Variants in AGBL2 observed in about 807,000 individuals in gnomAD.
The protein encoded by AGBL2 is cytosolic carboxypeptidase 2.
AGBL2 carries 87 observed loss-of-function variants against 103.0 expected under a neutral mutation model. The observed-to-expected ratio is 0.84, with a 90% confidence interval of 0.71 to 1.01. The LOEUF (loss-of-function observed/expected upper bound fraction) is 1.01. Among genes scored for constraint, AGBL2 ranks in the 50% least tolerant of loss-of-function variants. The pLI is 0.00. For missense variants in AGBL2, 904 were observed against 1,023.5 expected, an observed-to-expected ratio of 0.88 and a Z score of 1.59; for synonymous variants, 335 against 356.7, an observed-to-expected ratio of 0.94 and a Z score of 0.69.
intron 2 of AGBL2, 102 bp downstream of exon 2, chr11:47,714,516 A>G: frequency 1.4e-6 from 2 of 1,396,728 alleles, no homozygotes; most frequent in Non-Finnish European, 2.0e-6. Context: ...AAAAGATGCC[A>G]CCAGAACATC....
chr11:47,698,336 C>A (rs2097484862), intron 8 of AGBL2, among the ~76,000 whole-genome samples: 1 of 151,394 alleles, frequency 6.6e-6, no homozygotes, highest in Admixed American at 6.6e-5. Context: ...CCACACCTGG[C>A]TAATTTTGTA....
intron 4 of AGBL2, among the ~76,000 whole-genome samples, chr11:47,706,242 C>T (rs780807628): frequency 1.3e-5 from 2 of 151,934 alleles, no homozygotes; most frequent in South Asian, 2.1e-4. Context: ...GCCGGCTGGG[C>T]GCGGTGGCTC....
intron 8 of AGBL2, among the ~76,000 whole-genome samples, chr11:47,698,168 ATTT>A (rs35161992): frequency 2.5e-5 from 2 of 79,836 alleles, no homozygotes; most frequent in Admixed American, 1.7e-4. Context: ...AGTCTACATA[ATTT>A]TTTTTTTTTT....
In AGBL2 at chr11:47,714,702, C is replaced by T. The variant is rs1188387824; in HGVS notation, c.-52G>A. 1.3e-6 allele frequency: 2 copies of T among 1,569,666 alleles called. No homozygotes were observed. Among genetic ancestry groups the T allele is most frequent in the Non-Finnish European group, 1.8e-6 (2 of 1,139,822 alleles). ...CTAGTCAGTGACATTAGCATCCAGTCGCAAACCCTGCCCAATTTCCAAATA... is the reference window on the plus strand; with the variant it reads ...CTAGTCAGTGACATTAGCATCCAGTTGCAAACCCTGCCCAATTTCCAAATA... On this transcript the variant is annotated 5_prime_UTR_variant, in exon 2 of 19. Transcript: ENST00000525123.
intron 1 of AGBL2, 22 bp from the exon 2 acceptor site, chr11:47,714,772 AGT>A (rs1376450437): frequency 9.4e-7 from 1 of 1,064,982 alleles, no homozygotes; most frequent in Non-Finnish European, 1.5e-6. Flanking sequence ...CAAGAGGACA[AGT>A]GAAAAAACTG....
chr11:47,704,309 G>A (rs1250531413), intron 7 of AGBL2, among the ~76,000 whole-genome samples: 1 of 151,216 alleles, frequency 6.6e-6, no homozygotes, highest in Non-Finnish European at 1.5e-5. Context: ...ATGAAACCCC[G>A]TCTCTACTTA....
At chr11:47,678,343 A>ATTT (rs1440515781) in intron 13 of AGBL2, among the ~76,000 whole-genome samples, 6 of 116,862 alleles carry the variant, frequency 5.1e-5, no homozygotes, top group Non-Finnish European at 1.1e-4. Context: ...TTATTATTTT[A>ATTT]TTTTTTTTGA....
At chr11:47,678,047 T>A (rs1598943440) in intron 13 of AGBL2, among the ~76,000 whole-genome samples, 1 of 151,756 alleles carries the variant, frequency 6.6e-6, no homozygotes, top group Admixed American at 6.6e-5. Flanking sequence ...CACTGCAACC[T>A]CCGCCCCCTG....
chr11:47,665,460 T>C (rs1274511801), intron 17 of AGBL2, among the ~76,000 whole-genome samples: 1 of 151,994 alleles, frequency 6.6e-6, no homozygotes, highest in Non-Finnish European at 1.5e-5. Flanking sequence ...CCTTCCAAAG[T>C]GCTGGGATTA....
intron 14 of AGBL2, among the ~76,000 whole-genome samples, chr11:47,671,590 G>A (rs2097357789): frequency 6.6e-6 from 1 of 152,002 alleles, no homozygotes; most frequent in South Asian, 2.1e-4. Flanking sequence ...GAATCACATG[G>A]GAGAAGTCAG....
chr11:47,711,192 T>C (rs776053942), intron 3 of AGBL2, among the ~76,000 whole-genome samples: 9 of 152,198 alleles, frequency 5.9e-5, no homozygotes, highest in Admixed American at 1.3e-4. Context: ...CTCTCTGGAA[T>C]TCCTTCTAAG....
At chr11:47,660,450 T>TTGGGGAAGAAA in intron 18 of AGBL2, 104 bp from the exon 19 acceptor site, 1 of 1,010,072 alleles carries the variant, frequency 9.9e-7, no homozygotes, top group Non-Finnish European at 1.4e-6. Flanking sequence ...TGAGAAATAT[T>TTGGGGAAGAAA]TGCATTTCTT....
intron 14 of AGBL2, among the ~76,000 whole-genome samples, chr11:47,670,277 G>T (rs1490589959): frequency 6.6e-6 from 1 of 152,252 alleles, no homozygotes; most frequent in South Asian, 2.1e-4. Context: ...ATTTAATAAA[G>T]AATCTGAGCC....
At chr11:47,691,212 T>C (rs1356561240) in intron 9 of AGBL2, among the ~76,000 whole-genome samples, 4 of 151,770 alleles carry the variant, frequency 2.6e-5, no homozygotes, top group Admixed American at 6.6e-5. Context: ...TGCAGTGAGC[T>C]GAGATCGTGC....
chr11:47,679,058 C>CAAAAAAAAAAAAAA (rs56307962), intron 13 of AGBL2, among the ~76,000 whole-genome samples: 3 of 28,192 alleles, frequency 1.1e-4, no homozygotes, highest in African/African-American at 4.5e-4. Flanking sequence ...GACCCTGTCT[C>CAAAAAAAAAAAAAA]AAAAAAAAAA....
intron 14 of AGBL2, among the ~76,000 whole-genome samples, chr11:47,674,689 G>A (rs1382595666): frequency 6.6e-6 from 1 of 151,924 alleles, no homozygotes; most frequent in Non-Finnish European, 1.5e-5. Context: ...ATACTGAAGT[G>A]CTTTCAACAG....
chr11:47,661,560 T>C (rs2097328025), intron 18 of AGBL2, among the ~76,000 whole-genome samples: 1 of 152,044 alleles, frequency 6.6e-6, no homozygotes, highest in Non-Finnish European at 1.5e-5. Context: ...AGAGCATCAG[T>C]GCAAGAATTC....
intron 11 of AGBL2, among the ~76,000 whole-genome samples, chr11:47,683,097 A>G (rs1351521887): frequency 6.6e-6 from 1 of 152,152 alleles, no homozygotes; most frequent in Non-Finnish European, 1.5e-5. Context: ...GAGGCCGGGT[A>G]TGGTGGCTCA....
Position 47,690,236 on chromosome 11 carries a change from C to T in AGBL2, c.1471G>A (p.Asp491Asn). ...GGAAGCACCTTGAAGACAAAAATAT[C>T]TCTGAGGAGCTGGGCATCTGGGGAG... ...SNSPDAQLLR[D>N]IFVFKVLPML... Residue 491 changes from aspartate (D) to asparagine (N), a missense_variant, in exon 10 of 19, where the codon GAT (aspartate) becomes AAT (asparagine). Physicochemically the swap from Asp to Asn is conservative, Grantham distance 23 (BLOSUM62 1). Coordinates refer to ENST00000525123, the MANE Select transcript of AGBL2 (RefSeq NM_024783.4). The T allele has an allele frequency of 6.2e-7, 1 of 1,614,106 alleles. No individual in the cohort carries two copies. The highest frequency in any genetic ancestry group is 2.2e-5 in the East Asian group (1 of 44,884).
Sources: gnomAD v4.1 joint callset for allele counts (sites outside exome capture counted in the v4.1 genomes callset) on GRCh38, gnomAD v4.1.1 for gene constraint, MANE v1.5 for transcripts, NCBI Gene and HGNC (gene_info 2026-07-23, HGNC 2026-07-21) for gene names.